SLC44A1: variants seen among roughly 807,000 people sequenced by gnomAD.
The protein encoded by SLC44A1 is choline transporter-like protein 1.
In SLC44A1, 26 loss-of-function variants were observed where a neutral mutation model predicts 79.3. The observed-to-expected ratio is 0.33, with a 90% CI of 0.24 to 0.46. The LOEUF (loss-of-function observed/expected upper bound fraction) is 0.46, where lower values mean the gene tolerates loss of function less well. SLC44A1 is among the 20% of genes least tolerant of loss of function. SLC44A1 has a pLI of 1.00. For missense variants in SLC44A1, 688 were observed against 798.1 expected (o/e 0.86, Z 1.66); for synonymous variants, 263 against 286.2 (o/e 0.92, Z 0.82).
intron 12 of SLC44A1, among the ~76,000 whole-genome samples, chr9:105,372,905 C>G (rs368527244): frequency 6.4e-4 from 96 of 149,532 alleles, no homozygotes; most frequent in South Asian, 3.0e-3. Context: ...AGCCGAGATC[C>G]CGCCACTGCA....
intron 15 of SLC44A1, among the ~76,000 whole-genome samples, chr9:105,423,767 G>A (rs776094465): frequency 6.6e-6 from 1 of 152,280 alleles, no homozygotes. Context: ...TTGTCATTTT[G>A]AGTCTTGCCA....
At chr9:105,351,645 A>AGAAAGAAAGAAAG (rs1827444307) in intron 5 of SLC44A1, among the ~76,000 whole-genome samples, 1 of 147,428 alleles carries the variant, frequency 6.8e-6, no homozygotes, top group Non-Finnish European at 1.5e-5. Context: ...AAAGAAAGAA[A>AGAAAGAAAGAAAG]GAAAGAAAGA....
chr9:105,354,262 G>T (rs1011223517), intron 5 of SLC44A1, among the ~76,000 whole-genome samples: 9 of 151,128 alleles, frequency 6.0e-5, no homozygotes, highest in African/African-American at 2.2e-4. Context: ...GTGTTAGCCA[G>T]GATGGTCTCG....
At chr9:105,328,235 T>TGGA (rs1826642754) in intron 3 of SLC44A1, among the ~76,000 whole-genome samples, 1 of 152,096 alleles carries the variant, frequency 6.6e-6, no homozygotes, top group African/African-American at 2.4e-5. Context: ...GTGGTGGTGG[T>TGGA]GGAAAATAAA....
At chr9:105,270,662 C>T (rs1417562574) in intron 1 of SLC44A1, among the ~76,000 whole-genome samples, 2 of 152,230 alleles carry the variant, frequency 1.3e-5, no homozygotes, top group Non-Finnish European at 2.9e-5. Flanking sequence ...ACCTTGTACC[C>T]TAGCTGTCAT....
At position 105,299,600 on chromosome 9, in the gene SLC44A1, C is replaced by A. The variant is rs142868271; in HGVS notation, c.126+291C>A. 784 of 285,342 alleles carry A rather than the reference C, an allele frequency of 2.7e-3. 9 individuals are homozygous for A. The highest frequency in any genetic ancestry group is 0.016 in the African/African-American group (738 of 45,222). The allele number at this position is 285,342 out of a possible 1,614,324, so 17.7% of individuals were successfully genotyped here. On this transcript the variant is annotated intron_variant, in intron 2 of 15. Coordinates refer to ENST00000374720, the MANE Select transcript of SLC44A1 (RefSeq NM_080546.5). ...AAACAGTGACCATGAGTCATGAGCC[C>A]TGCATATTCACCCAACCCAGTCACA... is the stretch of plus-strand genomic sequence containing the variant.
rs755486055 is a variant in SLC44A1, at chr9:105,383,260, T to C, written c.1770T>C (p.Tyr590=). ...FLVAHCFLSI[Y]EMVVDVLFLC... ...TCGCTCATTGCTTCCTGTCTATTTA[T>C]GAAATGGTAGTGGATGTATTATTCT... Residue 590 remains tyrosine (Y), a synonymous_variant, in exon 14 of 16, where the codon TAT becomes TAC. Coordinates refer to ENST00000374720, the MANE Select transcript of SLC44A1 (RefSeq NM_080546.5). 11 of 1,613,834 alleles carry C rather than the reference T, an allele frequency of 6.8e-6. No homozygotes were observed. The East Asian group carries it at 8.9e-5, about 13-fold the overall frequency.
intron 5 of SLC44A1, among the ~76,000 whole-genome samples, chr9:105,352,802 G>C (rs1009379342): frequency 1.9e-4 from 29 of 152,126 alleles, no homozygotes; most frequent in African/African-American, 7.0e-4. Flanking sequence ...GGATTTAAAC[G>C]CTAAAATATA....
At chr9:105,331,447 C>A (rs533684716) in intron 3 of SLC44A1, among the ~76,000 whole-genome samples, 3 of 152,120 alleles carry the variant, frequency 2.0e-5, no homozygotes, top group Admixed American at 2.0e-4. Flanking sequence ...ATGCTTATTA[C>A]GATTATTTGT....
chr9:105,339,702 T>C (rs1827028048), intron 4 of SLC44A1, among the ~76,000 whole-genome samples: 1 of 151,988 alleles, frequency 6.6e-6, no homozygotes. Context: ...TGGCATGCAC[T>C]TGTAGTCCCA....
At chr9:105,429,448 A>G (rs1202248533) in intron 15 of SLC44A1, among the ~76,000 whole-genome samples, 1 of 152,124 alleles carries the variant, frequency 6.6e-6, no homozygotes, top group Non-Finnish European at 1.5e-5. Flanking sequence ...GACTACAAGT[A>G]TGTGCCACCG....
intron 5 of SLC44A1, among the ~76,000 whole-genome samples, chr9:105,354,966 A>G (rs535135603): frequency 6.6e-6 from 1 of 152,344 alleles, no homozygotes; most frequent in East Asian, 1.9e-4. Context: ...TATAGTGCCA[A>G]CCAAGACTGA....
intron 15 of SLC44A1, among the ~76,000 whole-genome samples, chr9:105,418,000 G>A (rs986563328): frequency 2.0e-5 from 3 of 152,026 alleles, no homozygotes; most frequent in African/African-American, 7.3e-5. Flanking sequence ...CTAGCCAACA[G>A]AATGAGACTC....
Position 105,391,336 on chromosome 9 carries a change from T to C in SLC44A1, c.*2280T>C. 3.0e-6 allele frequency: 3 copies of C among 985,406 alleles called. No individual in the cohort carries two copies. The highest frequency in any genetic ancestry group is 3.6e-6 in the Non-Finnish European group (3 of 829,486). The allele number at this position is 985,406 out of a possible 1,614,324, so 61.0% of individuals were successfully genotyped here. A position where few individuals can be genotyped will look rare whatever the true frequency, so the allele number is the denominator to read the frequency against. On this transcript the variant is annotated 3_prime_UTR_variant, in exon 16 of 16. Transcript: ENST00000374720. ...ATCAGAAAGAAATTTTGTATTTTTG[T>C]ATAACTTGATTGTGTGCCATTTTAT...
chr9:105,403,042 A>G (rs1828978841), intron 15 of SLC44A1, among the ~76,000 whole-genome samples: 1 of 139,368 alleles, frequency 7.2e-6, no homozygotes, highest in African/African-American at 2.8e-5. Flanking sequence ...CTGGTCTCCA[A>G]CTCCTGGATT....
In SLC44A1 at chr9:105,392,395, CTCTCTCTCTTTTT is replaced by C. The variant is rs1306886435; in HGVS notation, c.*3341_*3353del. 36 of 886,918 alleles carry C rather than the reference CTCTCTCTCTTTTT, an allele frequency of 4.1e-5. No homozygotes were observed. In the Admixed American group the frequency reaches 5.4e-4, roughly 13 times the overall value. The allele number at this position is 886,918 out of a possible 1,614,324, so 54.9% of individuals were successfully genotyped here. ...TTTCTTTTGTAGAGATGCTCTCTCT[CTCTCTCTCTTTTT>C]TTTTTTTTTTTTTTTTTTTTTTCCG... On this transcript the variant is annotated 3_prime_UTR_variant, in exon 16 of 16. Transcript: ENST00000374720.
At chr9:105,330,607 T>C (rs1826719933) in intron 3 of SLC44A1, among the ~76,000 whole-genome samples, 2 of 152,248 alleles carry the variant, frequency 1.3e-5, no homozygotes, top group East Asian at 1.9e-4. Context: ...TTCAGTGATA[T>C]AATGTCCCAC....
chr9:105,347,520 A>G (rs1352080623), intron 4 of SLC44A1, among the ~76,000 whole-genome samples: 1 of 152,000 alleles, frequency 6.6e-6, no homozygotes, highest in Non-Finnish European at 1.5e-5. Context: ...ATCCATCTCA[A>G]TTATCTATAC....
intron 1 of SLC44A1, among the ~76,000 whole-genome samples, chr9:105,292,998 A>T (rs327985): frequency 0.18 from 26,714 of 150,502 alleles, 3,654 homozygotes; most frequent in African/African-American, 0.38. Flanking sequence ...CAATCCATTT[A>T]AAAAAAAAAT....
Sources: allele counts gnomAD v4.1 joint callset (sites outside exome capture counted in the v4.1 genomes callset), GRCh38; gene constraint gnomAD v4.1.1; transcripts MANE v1.5; gene names NCBI Gene and HGNC (gene_info 2026-07-23, HGNC 2026-07-21).